Variants in GPC6 observed in about 807,000 individuals in gnomAD.
GPC6 encodes glypican-6.
GPC6 carries 14 observed loss-of-function variants against 55.2 expected under a neutral mutation model. That is an observed-to-expected ratio of 0.25 (90% confidence interval 0.17 to 0.40). GPC6 has a LOEUF of 0.40. Ranked by LOEUF, GPC6 falls within the 10% of genes least tolerant of loss-of-function variation. The pLI, the probability that GPC6 is intolerant of heterozygous loss-of-function variation, is 1.00. For missense variants in GPC6, 641 were observed against 708.5 expected (o/e 0.90, Z 1.08); for synonymous variants, 278 against 259.6 (o/e 1.07, Z -0.68).
chr13:93,729,939 T>C (rs377705216), intron 2 of GPC6, among the ~76,000 whole-genome samples: 12 of 152,310 alleles, frequency 7.9e-5, no homozygotes, highest in African/African-American at 2.9e-4. Context: ...ATCCATGCTG[T>C]CTGAGCTTAT....
intron 2 of GPC6, among the ~76,000 whole-genome samples, chr13:93,567,527 C>T (rs1876192852): frequency 1.3e-5 from 2 of 151,698 alleles, no homozygotes; most frequent in South Asian, 4.2e-4. Context: ...GTGTCACCAT[C>T]TTAGCCAGGA....
At chr13:93,357,976 A>T in intron 1 of GPC6, among the ~76,000 whole-genome samples, 1 of 152,216 alleles carries the variant, frequency 6.6e-6, no homozygotes, top group East Asian at 1.9e-4. Context: ...TGGTCTGTTC[A>T]TGGATGCCTC....
chr13:94,356,449 AAG>A (rs138092788), intron 6 of GPC6, among the ~76,000 whole-genome samples: 7,570 of 152,190 alleles, frequency 0.05, 613 homozygotes, highest in African/African-American at 0.17. Flanking sequence ...AGGCTCCATA[AAG>A]GAAGGGGTTT....
intron 2 of GPC6, among the ~76,000 whole-genome samples, chr13:93,549,124 T>G (rs938137645): frequency 6.6e-6 from 1 of 152,130 alleles, no homozygotes; most frequent in Non-Finnish European, 1.5e-5. Flanking sequence ...GCTTTTCTGT[T>G]GCTCCCCAGG....
chr13:93,849,660 C>T (rs945821168), intron 3 of GPC6, among the ~76,000 whole-genome samples: 1 of 152,044 alleles, frequency 6.6e-6, no homozygotes, highest in Middle Eastern at 3.2e-3. Flanking sequence ...TCTTCTTTCC[C>T]TCAGATTTTC....
chr13:93,720,719 C>A (rs968477543), intron 2 of GPC6, among the ~76,000 whole-genome samples: 6 of 152,038 alleles, frequency 3.9e-5, no homozygotes, highest in Admixed American at 2.0e-4. Context: ...ATAAATATCC[C>A]TCTAAACACT....
intron 6 of GPC6, among the ~76,000 whole-genome samples, chr13:94,348,536 G>A (rs539193560): frequency 6.6e-6 from 1 of 152,284 alleles, no homozygotes; most frequent in Non-Finnish European, 1.5e-5. Flanking sequence ...ATGTATTCCT[G>A]TTCCTATATC....
At chr13:93,466,384 TCTC>T (rs1356516820) in intron 1 of GPC6, among the ~76,000 whole-genome samples, 1 of 152,212 alleles carries the variant, frequency 6.6e-6, no homozygotes, top group East Asian at 1.9e-4. Flanking sequence ...TTAACAGTCT[TCTC>T]AGCTGTTATG....
intron 1 of GPC6, among the ~76,000 whole-genome samples, chr13:93,326,990 G>A (rs903491860): frequency 1.1e-4 from 17 of 152,104 alleles, no homozygotes; most frequent in African/African-American, 2.9e-4. Flanking sequence ...TGATTGCCTC[G>A]CTAGACAAAA....
chr13:94,223,374 C>A (rs1465057638), intron 4 of GPC6, among the ~76,000 whole-genome samples: 1 of 152,040 alleles, frequency 6.6e-6, no homozygotes, highest in African/African-American at 2.4e-5. Flanking sequence ...AGAACACTCA[C>A]TTTTCCTATT....
intron 2 of GPC6, among the ~76,000 whole-genome samples, chr13:93,814,824 C>T (rs935800788): frequency 2.0e-5 from 3 of 152,154 alleles, no homozygotes; most frequent in Admixed American, 6.5e-5. Context: ...TTGATGTCTG[C>T]TCTTGATGAT....
chr13:93,389,713 T>C (rs12865978), intron 1 of GPC6, among the ~76,000 whole-genome samples: 9,073 of 152,012 alleles, frequency 0.06, 309 homozygotes, highest in African/African-American at 0.083. Context: ...CTATATCTAT[T>C]TTTCCTTTTA....
chr13:94,371,386 A>G (rs1879534780), intron 6 of GPC6, among the ~76,000 whole-genome samples: 1 of 152,194 alleles, frequency 6.6e-6, no homozygotes, highest in Non-Finnish European at 1.5e-5. Context: ...CATAGTTATC[A>G]ACTATGGCCA....
intron 2 of GPC6, among the ~76,000 whole-genome samples, chr13:93,599,286 TAAAA>T (rs66801721): frequency 4.3e-5 from 6 of 139,378 alleles, no homozygotes; most frequent in African/African-American, 1.3e-4. Context: ...CAAATATTGG[TAAAA>T]AAAAAAAAAA....
chr13:94,019,616 C>T (rs1882620935), intron 3 of GPC6, among the ~76,000 whole-genome samples: 2 of 152,146 alleles, frequency 1.3e-5, no homozygotes, highest in Admixed American at 1.3e-4. Flanking sequence ...CTTTGTGTCT[C>T]TGAGTGTCCT....
chr13:94,307,721 A>G (rs1484121205), intron 6 of GPC6, among the ~76,000 whole-genome samples: 1 of 152,246 alleles, frequency 6.6e-6, no homozygotes, highest in Non-Finnish European at 1.5e-5. Context: ...GCTGTTTTAA[A>G]GAAATGATGG....
chr13:93,372,520 C>T (rs904882143), intron 1 of GPC6, among the ~76,000 whole-genome samples: 6 of 152,156 alleles, frequency 3.9e-5, no homozygotes, highest in African/African-American at 7.2e-5. Flanking sequence ...CACTTAGCCA[C>T]AGAATGAGAG....
At chr13:93,775,922 C>G (rs532852997) in intron 2 of GPC6, among the ~76,000 whole-genome samples, 1 of 151,996 alleles carries the variant, frequency 6.6e-6, no homozygotes, top group Non-Finnish European at 1.5e-5. Context: ...ATTTGCAGAC[C>G]GTTTTTGTAA....
intron 1 of GPC6, among the ~76,000 whole-genome samples, chr13:93,510,334 C>T (rs2139383392): frequency 6.6e-6 from 1 of 152,198 alleles, no homozygotes; most frequent in Admixed American, 6.5e-5. Context: ...TCAGCCTTCT[C>T]AGTCTCTGTT....
Sources: gnomAD v4.1 joint callset for allele counts (sites outside exome capture counted in the v4.1 genomes callset) on GRCh38, gnomAD v4.1.1 for gene constraint, MANE v1.5 for transcripts, NCBI Gene and HGNC (gene_info 2026-07-23, HGNC 2026-07-21) for gene names.